Variants in AGBL4 observed in about 807,000 individuals in gnomAD.
AGBL4 encodes the protein cytosolic carboxypeptidase 6.
A neutral mutation model predicts 66.4 loss-of-function variants in AGBL4; 58 were observed. The ratio of observed to expected loss-of-function variants is 0.87; its 90% CI spans 0.71 to 1.09. AGBL4 has a LOEUF of 1.09. Ranked by LOEUF, AGBL4 falls within the 50% of genes least tolerant of loss-of-function variation. AGBL4 has a pLI of 0.00. For synonymous variants in AGBL4, 234 were observed against 222.9 expected (o/e 1.05, Z -0.44); for missense variants, 579 against 631.0 (o/e 0.92, Z 0.88).
chr1:49,534,171 C>CAAAAAAAAAA (rs71059553), intron 3 of AGBL4, among the ~76,000 whole-genome samples: 6 of 67,058 alleles, frequency 8.9e-5, no homozygotes, highest in Non-Finnish European at 1.0e-4. Context: ...CACCATTTTA[C>CAAAAAAAAAA]AAAAAAAAAA....
intron 6 of AGBL4, among the ~76,000 whole-genome samples, chr1:48,709,893 T>C (rs1408765836): frequency 2.0e-5 from 3 of 152,114 alleles, no homozygotes; most frequent in African/African-American, 7.2e-5. Flanking sequence ...TGAGCCACCA[T>C]GCCCGGCCTG....
chr1:49,153,892 A>T (rs1302328319), intron 4 of AGBL4, among the ~76,000 whole-genome samples: 1 of 152,064 alleles, frequency 6.6e-6, no homozygotes, highest in Non-Finnish European at 1.5e-5. Context: ...CAAGTTACTT[A>T]ACCCCTCTAA....
intron 4 of AGBL4, among the ~76,000 whole-genome samples, chr1:49,241,126 T>C (rs965554229): frequency 1.3e-5 from 2 of 152,056 alleles, no homozygotes; most frequent in African/African-American, 2.4e-5. Flanking sequence ...CTAAGGCATA[T>C]TGCAAAAACA....
chr1:48,626,309 C>G (rs1033010901), intron 9 of AGBL4, among the ~76,000 whole-genome samples: 2 of 152,230 alleles, frequency 1.3e-5, no homozygotes, highest in African/African-American at 4.8e-5. Flanking sequence ...ACTTTCCACT[C>G]ACATATATTG....
intron 4 of AGBL4, among the ~76,000 whole-genome samples, chr1:49,101,869 C>A (rs548441810): frequency 6.6e-6 from 1 of 152,190 alleles, no homozygotes; most frequent in South Asian, 2.1e-4. Flanking sequence ...ACTATGTTCC[C>A]CCGTGAGAGG....
intron 5 of AGBL4, among the ~76,000 whole-genome samples, chr1:49,026,428 G>T (rs1344022149): frequency 6.6e-6 from 1 of 152,100 alleles, no homozygotes; most frequent in Non-Finnish European, 1.5e-5. Flanking sequence ...CATAAAATAG[G>T]GCAGGAAATA....
chr1:49,549,005 T>G (rs1215106491), intron 3 of AGBL4, among the ~76,000 whole-genome samples: 1 of 152,116 alleles, frequency 6.6e-6, no homozygotes, highest in Non-Finnish European at 1.5e-5. Context: ...GCTAGGAGTG[T>G]TGCATCTTTC....
intron 3 of AGBL4, among the ~76,000 whole-genome samples, chr1:49,551,286 T>A (rs1652931232): frequency 6.6e-6 from 1 of 152,222 alleles, no homozygotes; most frequent in African/African-American, 2.4e-5. Flanking sequence ...TCCCAAATTC[T>A]TTTTCAGTTA....
intron 5 of AGBL4, among the ~76,000 whole-genome samples, chr1:48,909,860 ATTTATG>A (rs1570978332): frequency 2.0e-5 from 3 of 152,278 alleles, no homozygotes; most frequent in South Asian, 4.1e-4. Flanking sequence ...AATATACTAT[ATTTATG>A]TTTATGTTTC....
chr1:49,919,264 G>T (rs1317080743), intron 1 of AGBL4, among the ~76,000 whole-genome samples: 1 of 152,050 alleles, frequency 6.6e-6, no homozygotes, highest in African/African-American at 2.4e-5. Flanking sequence ...GAAATAAAGG[G>T]GATTCAATTA....
intron 4 of AGBL4, among the ~76,000 whole-genome samples, chr1:49,200,373 A>C (rs546093331): frequency 5.3e-5 from 8 of 152,334 alleles, no homozygotes; most frequent in African/African-American, 1.9e-4. Flanking sequence ...ACCCCTACAT[A>C]CATCAAGGAA....
chr1:49,961,963 T>C (rs1442229783), intron 1 of AGBL4, among the ~76,000 whole-genome samples: 2 of 152,272 alleles, frequency 1.3e-5, no homozygotes. Context: ...TAGAATTCTT[T>C]TGGAGATCAA....
At chr1:49,523,186 A>C (rs919315764) in intron 3 of AGBL4, among the ~76,000 whole-genome samples, 3 of 152,096 alleles carry the variant, frequency 2.0e-5, no homozygotes, top group Non-Finnish European at 4.4e-5. Context: ...AATATCATCC[A>C]TAAGTTGGAT....
At chr1:49,063,030 T>A (rs1195914234) in intron 4 of AGBL4, among the ~76,000 whole-genome samples, 1 of 152,190 alleles carries the variant, frequency 6.6e-6, no homozygotes, top group East Asian at 1.9e-4. Context: ...TAACATGGAC[T>A]CAGTAAAGAG....
chr1:48,758,548 T>C (rs2148654929), intron 6 of AGBL4, among the ~76,000 whole-genome samples: 1 of 152,386 alleles, frequency 6.6e-6, no homozygotes, highest in Admixed American at 6.5e-5. Context: ...TCATGTCTAC[T>C]TCTTTTTACT....
At chr1:49,750,397 GT>G (rs950013057) in intron 2 of AGBL4, among the ~76,000 whole-genome samples, 8 of 152,114 alleles carry the variant, frequency 5.3e-5, no homozygotes, top group African/African-American at 1.2e-4. Flanking sequence ...AGATCAGATG[GT>G]TTTAGATGTG....
chr1:48,669,384 C>T (rs527497624), intron 6 of AGBL4, among the ~76,000 whole-genome samples: 59 of 152,274 alleles, frequency 3.9e-4, no homozygotes, highest in African/African-American at 1.2e-3. Flanking sequence ...CTTGGTTCTG[C>T]GGGTGCTGAG....
intron 6 of AGBL4, among the ~76,000 whole-genome samples, chr1:48,753,098 T>C (rs4926752): frequency 0.41 from 62,650 of 152,080 alleles, 14,585 homozygotes; most frequent in Non-Finnish European, 0.54. Flanking sequence ...TTCACTCTCT[T>C]GTACAGATGA....
At chr1:49,707,162 T>C (rs1382419705) in intron 2 of AGBL4, among the ~76,000 whole-genome samples, 1 of 152,138 alleles carries the variant, frequency 6.6e-6, no homozygotes, top group African/African-American at 2.4e-5. Context: ...TCTCCCACTA[T>C]TACTGTGTGG....
Sources: gnomAD v4.1 joint callset for allele counts (sites outside exome capture counted in the v4.1 genomes callset) on GRCh38, gnomAD v4.1.1 for gene constraint, MANE v1.5 for transcripts, NCBI Gene and HGNC (gene_info 2026-07-23, HGNC 2026-07-21) for gene names.